AOAH: variants seen among roughly 807,000 people sequenced by gnomAD.
AOAH encodes acyloxyacyl hydrolase.
A neutral mutation model predicts 92.2 loss-of-function variants in AOAH; 64 were observed. The observed-to-expected ratio is 0.69, with a 90% CI of 0.57 to 0.86. The LOEUF is 0.86. Ranked by LOEUF, AOAH falls within the 40% of genes least tolerant of loss-of-function variation. AOAH has a pLI of 0.00. For synonymous variants in AOAH, 263 were observed against 254.5 expected (o/e 1.03, Z -0.32); for missense variants, 656 against 694.6 (o/e 0.94, Z 0.62).
chr7:36,647,742 G>A (rs1277862236), intron 4 of AOAH, among the ~76,000 whole-genome samples: 1 of 151,872 alleles, frequency 6.6e-6, no homozygotes, highest in Non-Finnish European at 1.5e-5. Context: ...TTGAATCTCT[G>A]GCAAGATCAT....
intron 15 of AOAH, among the ~76,000 whole-genome samples, chr7:36,543,748 T>C (rs1042490233): frequency 3.3e-5 from 5 of 152,168 alleles, no homozygotes; most frequent in Admixed American, 2.6e-4. Flanking sequence ...ATTCTCCAGT[T>C]ATCTTTGTTC....
At position 36,620,608 on chromosome 7, in the gene AOAH, T is replaced by C. The variant is rs1274292409; in HGVS notation, c.702+173A>G. ...GAAAGCCTCAACTCTCATGACATCA[T>C]TGACACTCTTCATGCATCATCAGGA... On this transcript the variant is annotated intron_variant, in intron 9 of 20. Coordinates refer to ENST00000617537, the MANE Select transcript of AOAH (RefSeq NM_001637.4). Among the ~76,000 whole-genome samples the C allele has an allele frequency of 2.6e-5, 4 of 152,230 alleles. No homozygotes were observed. The South Asian group carries it at 8.3e-4, about 32-fold the overall frequency.
At chr7:36,696,869 A>AG (rs1370843727) in intron 1 of AOAH, among the ~76,000 whole-genome samples, 3 of 151,456 alleles carry the variant, frequency 2.0e-5, no homozygotes, top group African/African-American at 7.3e-5. Flanking sequence ...CGTCTCCAGA[A>AG]ACAAAAAAAT....
intron 4 of AOAH, among the ~76,000 whole-genome samples, chr7:36,656,445 G>C (rs1247379445): frequency 6.6e-6 from 1 of 152,134 alleles, no homozygotes; most frequent in East Asian, 1.9e-4. Flanking sequence ...CTGCATTTGT[G>C]TCTTCACCCG....
At chr7:36,545,992 G>A (rs1360781070) in intron 15 of AOAH, among the ~76,000 whole-genome samples, 6 of 152,200 alleles carry the variant, frequency 3.9e-5, no homozygotes, top group African/African-American at 1.4e-4. Context: ...AGCCCTCAAG[G>A]GCAGTGATAG....
At chr7:36,576,414 C>T (rs566161818) in intron 13 of AOAH, among the ~76,000 whole-genome samples, 160 bp downstream of exon 13, 28 of 152,304 alleles carry the variant, frequency 1.8e-4, no homozygotes, top group African/African-American at 6.3e-4. Flanking sequence ...TGGCTTTAAG[C>T]ACAGGGCCCT....
intron 11 of AOAH, among the ~76,000 whole-genome samples, chr7:36,594,838 C>A: frequency 6.6e-6 from 1 of 152,078 alleles, no homozygotes; most frequent in Non-Finnish European, 1.5e-5. Context: ...AAAATGCCTT[C>A]CCTGGGTTCA....
Position 36,516,427 on chromosome 7 carries a change from C to T in AOAH, c.1600-3047G>A, listed in dbSNP as rs1397759763. Among the ~76,000 whole-genome samples the T allele has an allele frequency of 8.6e-6, 1 of 116,284 alleles. No homozygotes were observed. The highest frequency in any genetic ancestry group is 3.0e-5 in the African/African-American group (1 of 33,602). The allele number at this position is 116,284 out of a possible 152,430, so 76.3% of individuals were successfully genotyped here. On this transcript the variant is annotated intron_variant, in intron 20 of 20. Transcript: ENST00000617537. The surrounding 1 kb of genome is among the most constrained non-coding windows in gnomAD (Gnocchi z 5.0). ...ATACCACACACACCCCCACAGAAAG[C>T]ACGCAGATACCCCCCCCACACACAC...
chr7:36,659,710 A>AAACAATCT (rs746318951), intron 3 of AOAH, among the ~76,000 whole-genome samples: 43 of 152,272 alleles, frequency 2.8e-4, no homozygotes, highest in Middle Eastern at 3.4e-3. Context: ...GGCACAATCC[A>AAACAATCT]AACAATCTAT....
intron 1 of AOAH, among the ~76,000 whole-genome samples, chr7:36,687,161 A>G (rs1423681556): frequency 6.6e-6 from 1 of 152,178 alleles, no homozygotes; most frequent in Non-Finnish European, 1.5e-5. Context: ...CGAAAGATCT[A>G]GGATTAACTC....
At chr7:36,716,141 C>A (rs1386409832) in intron 1 of AOAH, among the ~76,000 whole-genome samples, 1 of 152,038 alleles carries the variant, frequency 6.6e-6, no homozygotes, top group Non-Finnish European at 1.5e-5. Context: ...AAAAAACAAA[C>A]AACCCCATCA....
intron 16 of AOAH, among the ~76,000 whole-genome samples, chr7:36,538,948 C>T (rs1271867380): frequency 2.6e-5 from 4 of 152,202 alleles, no homozygotes; most frequent in African/African-American, 9.7e-5. Flanking sequence ...CATTGTCCCT[C>T]CAACTAAGAG....
At chr7:36,595,270 G>T (rs972173522) in intron 11 of AOAH, among the ~76,000 whole-genome samples, 1 of 152,208 alleles carries the variant, frequency 6.6e-6, no homozygotes, top group Admixed American at 6.5e-5. Context: ...GCTGTGGCTT[G>T]TGCCAGTAAT....
intron 11 of AOAH, among the ~76,000 whole-genome samples, chr7:36,610,995 G>C (rs1174163773): frequency 6.6e-6 from 1 of 152,224 alleles, no homozygotes; most frequent in Non-Finnish European, 1.5e-5. Context: ...AATGATGGTT[G>C]TTTTAAGTCA....
intron 1 of AOAH, among the ~76,000 whole-genome samples, chr7:36,687,076 C>T (rs1024923783): frequency 6.6e-6 from 1 of 152,092 alleles, no homozygotes; most frequent in African/African-American, 2.4e-5. Flanking sequence ...CCTACACATT[C>T]GCTTGGTAGA....
At chr7:36,628,715 C>T (rs181250881) in intron 6 of AOAH, among the ~76,000 whole-genome samples, 5 of 152,232 alleles carry the variant, frequency 3.3e-5, no homozygotes, top group Admixed American at 2.6e-4. Context: ...AGCATTAGAC[C>T]GAATGGGACG....
chr7:36,609,977 T>C (rs1791317595), intron 11 of AOAH, among the ~76,000 whole-genome samples: 1 of 151,866 alleles, frequency 6.6e-6, no homozygotes, highest in African/African-American at 2.4e-5. Context: ...AACCAGACAA[T>C]GGAAACACGA....
At chr7:36,684,979 A>G (rs1444853164) in intron 2 of AOAH, among the ~76,000 whole-genome samples, 2 of 150,666 alleles carry the variant, frequency 1.3e-5, no homozygotes, top group African/African-American at 4.9e-5. Context: ...AAAAGAAAAC[A>G]TGAAAGATAA....
intron 13 of AOAH, among the ~76,000 whole-genome samples, chr7:36,555,796 ATGGTAGTTTGT>A (rs1386684576): frequency 6.6e-6 from 1 of 152,136 alleles, no homozygotes; most frequent in Non-Finnish European, 1.5e-5. Context: ...GTAATCTCTG[ATGGTAGTTTGT>A]ATTTCTGTGG....
Sources: gnomAD v4.1 joint callset for allele counts (sites outside exome capture counted in the v4.1 genomes callset) on GRCh38, gnomAD v4.1.1 for gene constraint, Gnocchi (gnomAD v3.1) non-coding constraint, MANE v1.5 for transcripts, NCBI Gene and HGNC (gene_info 2026-07-23, HGNC 2026-07-21) for gene names.